LRP1B: variants seen among roughly 807,000 people sequenced by gnomAD.
LRP1B encodes the protein LDL receptor related protein 1B, also known as low-density lipoprotein receptor-related protein 1B.
LRP1B carries 217 observed loss-of-function variants against 556.6 expected under a neutral mutation model. The ratio of observed to expected loss-of-function variants is 0.39; its 90% CI spans 0.35 to 0.44. LRP1B has a LOEUF of 0.44. Among genes scored for constraint, LRP1B ranks in the 20% least tolerant of loss-of-function variants. The pLI, the probability that LRP1B is intolerant of heterozygous loss-of-function variation, is 1.00. For synonymous variants in LRP1B, 2,047 were observed against 1,865.8 expected (o/e 1.10, Z -2.50); for missense variants, 5,053 against 5,620.8 (o/e 0.90, Z 3.23).
intron 62 of LRP1B, among the ~76,000 whole-genome samples, chr2:140,452,587 T>G (rs1031660141): frequency 6.6e-6 from 1 of 152,128 alleles, no homozygotes; most frequent in African/African-American, 2.4e-5. Context: ...TATTCCCATA[T>G]AAGTGACTAA....
intron 63 of LRP1B, among the ~76,000 whole-genome samples, chr2:140,445,941 T>C (rs1180379194): frequency 1.3e-5 from 2 of 152,140 alleles, no homozygotes; most frequent in African/African-American, 4.8e-5. Context: ...CACTAATAAA[T>C]AGCATTTTAA....
At chr2:141,829,329 T>C (rs980734086) in intron 1 of LRP1B, among the ~76,000 whole-genome samples, 2 of 152,086 alleles carry the variant, frequency 1.3e-5, no homozygotes, top group South Asian at 2.1e-4. Context: ...AAAAACTCTT[T>C]CTTGTTCTAA....
chr2:140,660,272 G>A (rs1685044535), intron 41 of LRP1B, among the ~76,000 whole-genome samples: 1 of 151,892 alleles, frequency 6.6e-6, no homozygotes, highest in South Asian at 2.1e-4. Flanking sequence ...ACAATGTTAA[G>A]TTAAATACCC....
chr2:140,403,577 AG>A (rs1248649595), intron 66 of LRP1B, among the ~76,000 whole-genome samples: 1 of 152,204 alleles, frequency 6.6e-6, no homozygotes, highest in African/African-American at 2.4e-5. Context: ...ACAAAGATAA[AG>A]AAAAAAGAAT....
chr2:140,919,322 T>C (rs1694670961), intron 21 of LRP1B, among the ~76,000 whole-genome samples: 1 of 152,078 alleles, frequency 6.6e-6, no homozygotes. Context: ...TTGTGTGAGA[T>C]TCTATCCTAA....
At chr2:141,431,217 C>T (rs564770689) in intron 3 of LRP1B, among the ~76,000 whole-genome samples, 1 of 135,570 alleles carries the variant, frequency 7.4e-6, no homozygotes, top group Admixed American at 7.7e-5. Flanking sequence ...TCATATCAGC[C>T]CTCAAAAGTT....
intron 2 of LRP1B, among the ~76,000 whole-genome samples, chr2:141,768,181 T>C (rs576889825): frequency 6.6e-6 from 1 of 152,288 alleles, no homozygotes; most frequent in East Asian, 1.9e-4. Context: ...TAATGAAGAA[T>C]ATTAATATTC....
At chr2:140,509,547 C>T (rs1039317506) in intron 52 of LRP1B, among the ~76,000 whole-genome samples, 1 of 152,162 alleles carries the variant, frequency 6.6e-6, no homozygotes, top group African/African-American at 2.4e-5. Flanking sequence ...AAGTCATTCA[C>T]AGAGTCTCTG....
chr2:141,858,935 G>A (rs981190195), intron 1 of LRP1B, among the ~76,000 whole-genome samples: 3 of 152,116 alleles, frequency 2.0e-5, no homozygotes, highest in Non-Finnish European at 4.4e-5. Flanking sequence ...GGTAGGCAGA[G>A]GAAGTCCAAG....
intron 41 of LRP1B, among the ~76,000 whole-genome samples, chr2:140,628,429 C>T (rs193082869): frequency 0.041 from 6,205 of 151,188 alleles, 176 homozygotes; most frequent in Middle Eastern, 0.082. Flanking sequence ...CCCAGCTACT[C>T]GGGAGGCTGA....
At chr2:140,754,003 T>G (rs934193055) in intron 35 of LRP1B, among the ~76,000 whole-genome samples, 1 of 152,132 alleles carries the variant, frequency 6.6e-6, no homozygotes, top group African/African-American at 2.4e-5. Flanking sequence ...AGAAGTTCTA[T>G]GCCAAGAGAG....
chr2:142,127,714 G>T (rs182651201), intron 1 of LRP1B, among the ~76,000 whole-genome samples: 36 of 151,968 alleles, frequency 2.4e-4, no homozygotes, highest in Admixed American at 9.8e-4. Flanking sequence ...ACATTTAATT[G>T]CCATTGTTTG....
At chr2:140,893,419 TA>T (rs1229135774) in intron 23 of LRP1B, among the ~76,000 whole-genome samples, 1 of 152,210 alleles carries the variant, frequency 6.6e-6, no homozygotes, top group East Asian at 1.9e-4. Context: ...ACAGCACAGA[TA>T]AACTGCCTGG....
At chr2:141,970,082 G>A (rs1343336541) in intron 1 of LRP1B, among the ~76,000 whole-genome samples, 4 of 151,350 alleles carry the variant, frequency 2.6e-5, no homozygotes, top group Non-Finnish European at 5.9e-5. Context: ...TGTCTTCTTT[G>A]AGGAAATTCT....
intron 1 of LRP1B, among the ~76,000 whole-genome samples, chr2:141,814,882 GAAGAGGCA>G (rs967430845): frequency 2.4e-4 from 37 of 152,224 alleles, no homozygotes; most frequent in African/African-American, 8.2e-4. Context: ...TGGTCAAAAG[GAAGAGGCA>G]AAGAGGTAAG....
chr2:141,469,704 T>G (rs561869011), intron 3 of LRP1B, among the ~76,000 whole-genome samples: 3 of 152,198 alleles, frequency 2.0e-5, no homozygotes, highest in Non-Finnish European at 2.9e-5. Context: ...CTCTATAGAA[T>G]TTGTAAGATT....
intron 29 of LRP1B, among the ~76,000 whole-genome samples, chr2:140,842,655 T>C (rs1483782054): frequency 6.6e-6 from 1 of 152,110 alleles, no homozygotes. Context: ...AAGTTAAACC[T>C]GCCACGTCTT....
chr2:140,475,354 A>G lies in LRP1B; in HGVS notation c.9426-17T>C, dbSNP rs745504579. 15 of 1,531,946 alleles carry G rather than the reference A, an allele frequency of 9.8e-6. No individual in the cohort carries two copies. The highest frequency in any genetic ancestry group is 1.4e-5 in the African/African-American group (1 of 72,656). The allele number at this position is 1,531,946 out of a possible 1,614,324, so 94.9% of individuals were successfully genotyped here. On this transcript the variant is annotated splice_polypyrimidine_tract_variant and intron_variant, in intron 59 of 90. Coordinates refer to ENST00000389484, the MANE Select transcript of LRP1B (RefSeq NM_018557.3). ...TACAAATATCTAGGAAAGAAAATCA[A>G]TACTGATTTTGTTTACAGATTCTCT...
chr2:141,905,763 A>ACGT (rs71338143), intron 1 of LRP1B, among the ~76,000 whole-genome samples: 3,345 of 115,166 alleles, frequency 0.029, 94 homozygotes, highest in Middle Eastern at 0.057. Context: ...TGGTTTGAAT[A>ACGT]GATGTGTGTG....
Sources: allele counts gnomAD v4.1 joint callset (sites outside exome capture counted in the v4.1 genomes callset), GRCh38; gene constraint gnomAD v4.1.1; transcripts MANE v1.5; gene names NCBI Gene and HGNC (gene_info 2026-07-23, HGNC 2026-07-21).